Variants in USP34 observed in about 807,000 individuals in gnomAD.
USP34 encodes the protein ubiquitin specific peptidase 34, also known as ubiquitin carboxyl-terminal hydrolase 34.
Under a neutral mutation model 460.3 loss-of-function variants are expected in USP34, and 70 were observed. The ratio of observed to expected loss-of-function variants is 0.15; its 90% CI spans 0.13 to 0.19. USP34 has a LOEUF of 0.19. Ranked by LOEUF, USP34 falls within the 10% of genes least tolerant of loss-of-function variation. The pLI, the probability that USP34 is intolerant of heterozygous loss-of-function variation, is 1.00. For missense variants in USP34, 3,985 were observed against 4,236.2 expected (o/e 0.94, Z 1.65); for synonymous variants, 1,647 against 1,405.3 (o/e 1.17, Z -3.85).
At chr2:61,194,298 T>C (rs912654223) in intron 75 of USP34, 2 of 985,304 alleles carry the variant, frequency 2.0e-6, no homozygotes, top group Non-Finnish European at 2.4e-6. Context: ...TTTGGCAGCA[T>C]ATACCCACCA....
chr2:61,254,582 C>T (rs1037307404), intron 48 of USP34, among the ~76,000 whole-genome samples: 2 of 152,142 alleles, frequency 1.3e-5, no homozygotes, highest in South Asian at 2.1e-4. Flanking sequence ...CTTTTCAATC[C>T]GATTTCTATT....
chr2:61,280,985 T>C lies in USP34; in HGVS notation c.5151+105A>G, dbSNP rs1029506307. The C allele has an allele frequency of 8.1e-6, 10 of 1,234,518 alleles. No homozygotes were observed. In the African/African-American group the frequency reaches 1.5e-4, roughly 19 times the overall value. 76.5% of individuals were successfully genotyped at this position (1,234,518 alleles called of 1,614,324 possible). On this transcript the variant is annotated intron_variant, in intron 38 of 79. Coordinates refer to ENST00000398571, the MANE Select transcript of USP34 (RefSeq NM_014709.4). ...ACTATCCTCTTGGTAAAAAATCACA[T>C]ACAGTAGTCAAATGATCAAAATTTT...
At chr2:61,284,766 T>A (rs1276348050) in intron 35 of USP34, 109 bp downstream of exon 35, 2 of 816,158 alleles carry the variant, frequency 2.5e-6, no homozygotes, top group Non-Finnish European at 3.7e-6. Flanking sequence ...GATTTCATCA[T>A]AATATCCCCC....
intron 76 of USP34, 55 bp from the exon 77 acceptor site, chr2:61,190,713 C>G: frequency 1.9e-6 from 3 of 1,558,106 alleles, no homozygotes; most frequent in Non-Finnish European, 2.6e-6. Context: ...AAAAAACTTA[C>G]ACGGAAAAAA....
chr2:61,403,903 G>A (rs751418568), intron 3 of USP34, among the ~76,000 whole-genome samples: 9 of 141,722 alleles, frequency 6.4e-5, no homozygotes, highest in Non-Finnish European at 9.1e-5. Context: ...TGAGGCAGGA[G>A]AATGACGTGA....
At chr2:61,241,293 C>T (rs779495525) in intron 53 of USP34, among the ~76,000 whole-genome samples, 48 of 152,048 alleles carry the variant, frequency 3.2e-4, no homozygotes, top group East Asian at 3.9e-4. Context: ...CTACCCACCT[C>T]GGCCTCCCAA....
At chr2:61,420,013 T>C (rs1485967998) in intron 2 of USP34, among the ~76,000 whole-genome samples, 1 of 152,204 alleles carries the variant, frequency 6.6e-6, no homozygotes, top group African/African-American at 2.4e-5. Context: ...GCAAATGTTA[T>C]TTGAAGTTAA....
chr2:61,189,945 A>G (rs944635348), intron 78 of USP34: 15 of 201,002 alleles, frequency 7.5e-5, no homozygotes, highest in Non-Finnish European at 1.4e-4. Flanking sequence ...TAATTGTTTC[A>G]GTTACATAGG....
chr2:61,422,307 C>A (rs1459971222), intron 1 of USP34, among the ~76,000 whole-genome samples: 1 of 152,162 alleles, frequency 6.6e-6, no homozygotes, highest in East Asian at 1.9e-4. Context: ...GTGGCTACAA[C>A]CATCATATCC....
chr2:61,321,132 T>A (rs1234822969), intron 21 of USP34, among the ~76,000 whole-genome samples: 1 of 151,238 alleles, frequency 6.6e-6, no homozygotes, highest in Non-Finnish European at 1.5e-5. Context: ...ACTATGATCA[T>A]GCACTTCAGC....
At chr2:61,435,641 G>A (rs1694792385) in intron 1 of USP34, among the ~76,000 whole-genome samples, 2 of 152,158 alleles carry the variant, frequency 1.3e-5, no homozygotes, top group Non-Finnish European at 2.9e-5. Context: ...GATATATAAT[G>A]TAGTAACTAA....
intron 10 of USP34, among the ~76,000 whole-genome samples, chr2:61,355,071 G>C (rs1484193949): frequency 3.3e-5 from 5 of 152,142 alleles, no homozygotes; most frequent in Admixed American, 3.3e-4. Flanking sequence ...AATTATCCCT[G>C]TGTTCTCAGT....
At chr2:61,385,794 G>C (rs1284716889) in intron 5 of USP34, among the ~76,000 whole-genome samples, 1 of 150,832 alleles carries the variant, frequency 6.6e-6, no homozygotes, top group African/African-American at 2.4e-5. Context: ...AGGAGTTCAA[G>C]ACCAGCTTGG....
intron 67 of USP34, among the ~76,000 whole-genome samples, chr2:61,217,293 A>C (rs893981977): frequency 3.3e-5 from 5 of 152,234 alleles, no homozygotes; most frequent in Non-Finnish European, 5.9e-5. Context: ...AAAAAACATT[A>C]AGTCTACTTC....
chr2:61,439,164 C>T (rs62151763), intron 1 of USP34, among the ~76,000 whole-genome samples: 1 of 152,202 alleles, frequency 6.6e-6, no homozygotes, highest in Non-Finnish European at 1.5e-5. Context: ...GTAATCCCAA[C>T]ACTTTGGGAG....
At position 61,208,995 on chromosome 2, in the gene USP34, G is replaced by A; in HGVS notation, c.8841-18C>T. 6.6e-7 allele frequency: 1 copy of A among 1,523,992 alleles called. No individual in the cohort carries two copies. Among genetic ancestry groups the A allele is most frequent in the Non-Finnish European group, 8.9e-7 (1 of 1,126,876 alleles). 94.4% of individuals were successfully genotyped at this position (1,523,992 alleles called of 1,614,324 possible). ...TGAAGGCACTAGAAGAAAACATAAA[G>A]TTCAGTTTGAGAAGTCTGAATAAGA... On this transcript the variant is annotated intron_variant, in intron 69 of 79. Transcript: ENST00000398571.
At chr2:61,362,304 T>C (rs937043117) in intron 10 of USP34, among the ~76,000 whole-genome samples, 1 of 152,188 alleles carries the variant, frequency 6.6e-6, no homozygotes, top group African/African-American at 2.4e-5. Flanking sequence ...AATCCCACTT[T>C]GGATACATAT....
At chr2:61,237,607 A>G (rs925924227) in intron 53 of USP34, among the ~76,000 whole-genome samples, 1 of 111,322 alleles carries the variant, frequency 9.0e-6, no homozygotes, top group African/African-American at 3.6e-5. Flanking sequence ...TCACTCTGTT[A>G]CCTGGGCTGG....
At chr2:61,262,834 CGCCA>C (rs1688932682) in intron 43 of USP34, among the ~76,000 whole-genome samples, 1 of 152,136 alleles carries the variant, frequency 6.6e-6, no homozygotes, top group Admixed American at 6.5e-5. Flanking sequence ...TTTACAACAT[CGCCA>C]GCATCAGTTA....
Sources: allele counts gnomAD v4.1 joint callset (sites outside exome capture counted in the v4.1 genomes callset), GRCh38; gene constraint gnomAD v4.1.1; transcripts MANE v1.5; gene names NCBI Gene and HGNC (gene_info 2026-07-23, HGNC 2026-07-21).